DNAH17: variants seen among roughly 807,000 people sequenced by gnomAD.
DNAH17 encodes the protein axonemal beta dynein heavy chain 17.
In DNAH17, 376 loss-of-function variants were observed where a neutral mutation model predicts 485.6. The observed-to-expected ratio is 0.77, with a 90% CI of 0.71 to 0.84. The LOEUF is 0.84. Among genes scored for constraint, DNAH17 ranks in the 40% least tolerant of loss-of-function variants. DNAH17 has a pLI of 0.00. For synonymous variants in DNAH17, 3,031 were observed against 2,405.9 expected, an observed-to-expected ratio of 1.26 and a Z score of -7.60; for missense variants, 6,370 against 5,839.3, an observed-to-expected ratio of 1.09 and a Z score of -2.96.
At chr17:78,548,894 A>C (rs1362980798) in intron 16 of DNAH17, among the ~76,000 whole-genome samples, 1 of 152,200 alleles carries the variant, frequency 6.6e-6, no homozygotes, top group African/African-American at 2.4e-5. Flanking sequence ...TCCGCACCTA[A>C]GTGCAGAGCA....
rs766317664 is a variant in DNAH17, at chr17:78,501,207, C to A, written c.5460G>T (p.Leu1820=). Residue 1820 remains leucine, a synonymous_variant, in exon 35 of 81, where the codon CTG becomes CTT. Coordinates refer to ENST00000389840, the MANE Select transcript of DNAH17 (RefSeq NM_173628.4). The part of the protein sequence containing the change: ...SYEYLGNTPR[L]VITPLTDRCY... ...ACCTGTCAGTGAGTGGGGTGATGAC[C>A]AGCCGCGGCGTGTTGCCCAGATACT... is the stretch of plus-strand genomic sequence containing the variant. The A allele has an allele frequency of 4.4e-6, 7 of 1,588,436 alleles. No homozygotes were observed. The African/African-American group carries it at 5.4e-5, about 12-fold the overall frequency.
At position 78,492,770 on chromosome 17, in the gene DNAH17, C is replaced by G; in HGVS notation, c.6409-5G>C. 6.2e-7 allele frequency: 1 copy of G among 1,606,490 alleles called. No homozygotes were observed. Among genetic ancestry groups the G allele is most frequent in the Non-Finnish European group, 8.5e-7 (1 of 1,176,250 alleles). On this transcript the variant is annotated splice_polypyrimidine_tract_variant and splice_region_variant and intron_variant, in intron 41 of 80. Transcript: ENST00000389840. ...CTTGTTGAGGGATTTGAGGACCTGG[C>G]GAAGGTGGGGGTCACTCACGTGTGA...
At chr17:78,521,721 T>TCA (rs1395501631) in intron 25 of DNAH17, among the ~76,000 whole-genome samples, 1 of 152,152 alleles carries the variant, frequency 6.6e-6, no homozygotes, top group African/African-American at 2.4e-5. Context: ...GCATGGTGGC[T>TCA]CACACCTGTA....
chr17:78,453,154 G>A (rs1295809210), intron 65 of DNAH17, among the ~76,000 whole-genome samples, 189 bp downstream of exon 65: 1 of 152,238 alleles, frequency 6.6e-6, no homozygotes. Context: ...TAATTGGGAA[G>A]TGGCCCCTCT....
At chr17:78,477,624 G>A (rs994430062) in intron 51 of DNAH17, among the ~76,000 whole-genome samples, 5 of 152,050 alleles carry the variant, frequency 3.3e-5, no homozygotes, top group African/African-American at 9.7e-5. Flanking sequence ...TGATCTGCCC[G>A]CCTTGGCCTC....
chr17:78,551,058 A>AAAAAAC (rs374913402), intron 16 of DNAH17, among the ~76,000 whole-genome samples: 3 of 152,142 alleles, frequency 2.0e-5, no homozygotes, highest in Admixed American at 6.5e-5. Context: ...ATCTCCACTA[A>AAAAAAC]AAAAACAAAA....
intron 75 of DNAH17, among the ~76,000 whole-genome samples, chr17:78,430,425 G>A (rs2086633133): frequency 1.3e-5 from 2 of 152,200 alleles, no homozygotes; most frequent in South Asian, 4.1e-4. Flanking sequence ...TGCAGCTCCT[G>A]AAGGGCGAGG....
rs2091682541 is a variant in DNAH17, at chr17:78,544,070, G to C, written c.2392-73C>G. 26 of 1,599,254 alleles carry C rather than the reference G, an allele frequency of 1.6e-5. No homozygotes were observed. The South Asian group carries it at 2.8e-4, about 17-fold the overall frequency. On this transcript the variant is annotated intron_variant, in intron 16 of 80. Transcript: ENST00000389840. ...TTTCAGTCGCAGTCCTTTGCTGTGTGCTTTTGATGTGAGTTTCGTCACTGC... is the reference window on the plus strand; with the variant it reads ...TTTCAGTCGCAGTCCTTTGCTGTGTCCTTTTGATGTGAGTTTCGTCACTGC...
At chr17:78,537,562 G>A (rs1258111894) in intron 18 of DNAH17, 81 bp from the exon 19 acceptor site, 30 of 1,457,912 alleles carry the variant, frequency 2.1e-5, no homozygotes, top group Non-Finnish European at 2.6e-5. Context: ...CATCCACTCC[G>A]TACCATCAAT....
In DNAH17 at chr17:78,529,673, G is replaced by A. The variant is rs200894830; in HGVS notation, c.3306C>T (p.Phe1102=). 6.4e-5 allele frequency: 104 copies of A among 1,613,914 alleles called. No homozygotes were observed. The highest frequency in any genetic ancestry group is 8.5e-5 in the Non-Finnish European group (100 of 1,179,844). Reference sequence around the variant, plus strand: ...TCAAGCCCATTCTGGCGACTTTCATGAAGGCTTCCAGGTCAGCCAGGCTAA... The same window carrying A: ...TCAAGCCCATTCTGGCGACTTTCATAAAGGCTTCCAGGTCAGCCAGGCTAA... The part of the protein sequence containing the change: ...VTNSLADLEA[F]MKVARMGLTK... Residue 1102 remains phenylalanine (F), a synonymous_variant, in exon 22 of 81, where the codon TTC becomes TTT. Transcript: ENST00000389840.
intron 7 of DNAH17, among the ~76,000 whole-genome samples, chr17:78,569,747 C>A (rs531176736): frequency 4.1e-4 from 62 of 152,320 alleles, no homozygotes; most frequent in Admixed American, 3.3e-3. Flanking sequence ...GGGTGGGGGT[C>A]GCAGATGATG....
intron 75 of DNAH17, among the ~76,000 whole-genome samples, chr17:78,432,173 G>A (rs541615429): frequency 4.3e-5 from 6 of 140,106 alleles, no homozygotes; most frequent in Admixed American, 2.2e-4. Context: ...GTGAGGCCCT[G>A]TCTCAAAAAT....
intron 13 of DNAH17, among the ~76,000 whole-genome samples, chr17:78,560,456 A>C (rs1004607892): frequency 1.3e-5 from 2 of 150,932 alleles, no homozygotes; most frequent in African/African-American, 4.8e-5. Flanking sequence ...CAGTGCATTT[A>C]TCTAGATTCG....
chr17:78,461,348 A>G (rs1419541937), intron 58 of DNAH17, among the ~76,000 whole-genome samples, 196 bp downstream of exon 58: 1 of 152,060 alleles, frequency 6.6e-6, no homozygotes, highest in Non-Finnish European at 1.5e-5. Flanking sequence ...TTTTCTAAGG[A>G]AAGCCTGCTT....
At chr17:78,519,673 A>C (rs2090885470) in intron 25 of DNAH17, among the ~76,000 whole-genome samples, 1 of 152,234 alleles carries the variant, frequency 6.6e-6, no homozygotes, top group African/African-American at 2.4e-5. Flanking sequence ...GCTTGCTTGA[A>C]TTAAACAATT....
intron 54 of DNAH17, among the ~76,000 whole-genome samples, chr17:78,469,682 A>G (rs116075048): frequency 0.023 from 3,452 of 152,284 alleles, 141 homozygotes; most frequent in African/African-American, 0.078. Context: ...GTGTCCATCC[A>G]TGCATGAACA....
chr17:78,425,756 C>CT lies in DNAH17; in HGVS notation c.12916-186dup, dbSNP rs71160294. 8.0e-4 allele frequency among the ~76,000 whole-genome samples: 97 copies of CT among 120,736 alleles called. 9 individuals are homozygous for CT. The highest frequency in any genetic ancestry group is 3.4e-3 in the African/African-American group (90 of 26,230). 79.2% of individuals were successfully genotyped at this position (120,736 alleles called of 152,430 possible). A position where few individuals can be genotyped will look rare whatever the true frequency, so the allele number is the denominator to read the frequency against. Reference sequence around the variant, plus strand: ...TACCATGACGCAACTTTGGTGTCTGCTTTTTTTTTTTTTTTTTTTTTTTTT... The same window carrying CT: ...TACCATGACGCAACTTTGGTGTCTGCTTTTTTTTTTTTTTTTTTTTTTTTTT... On this transcript the variant is annotated intron_variant, in intron 79 of 80. Transcript: ENST00000389840.
In DNAH17 at chr17:78,502,713, C is replaced by T. The variant is rs771332481; in HGVS notation, c.5083-15G>A. ...GTCAGGGCCACCTGAAAGTACATAC[C>T]CCCCATTGCCCACGCAGTGAGCGAT... On this transcript the variant is annotated splice_polypyrimidine_tract_variant and intron_variant, in intron 32 of 80. Coordinates refer to ENST00000389840, the MANE Select transcript of DNAH17 (RefSeq NM_173628.4). 3 of 1,608,438 alleles carry T rather than the reference C, an allele frequency of 1.9e-6. No homozygotes were observed. Among genetic ancestry groups the T allele is most frequent in the Middle Eastern group, 1.7e-4 (1 of 6,042 alleles).
Position 78,495,986 on chromosome 17 carries a change from T to A in DNAH17, c.5792A>T (p.Asn1931Ile), listed in dbSNP as rs755985238. 1.2e-6 allele frequency: 2 copies of A among 1,613,782 alleles called. No homozygotes were observed. The highest frequency in any genetic ancestry group is 2.2e-5 in the East Asian group (1 of 44,874). The change falls in exon 38 of 81, where the codon AAT (asparagine) becomes ATT (isoleucine). Residue 1931 changes from asparagine (N) to isoleucine (I), a missense_variant. Transcript: ENST00000389840. ...DAIRAKKKAFNFLGEIIGLIP... is the reference protein window; with the variant it reads ...DAIRAKKKAFIFLGEIIGLIP... ...GAGGCCTATGATCTCTCCCAGGAAA[T>A]TGAATGCTTTTTTCTTGGCCCGAAT...
Sources: gnomAD v4.1 joint callset for allele counts (sites outside exome capture counted in the v4.1 genomes callset) on GRCh38, gnomAD v4.1.1 for gene constraint, MANE v1.5 for transcripts, NCBI Gene and HGNC (gene_info 2026-07-23, HGNC 2026-07-21) for gene names.